The following ZPBP variants were observed in gnomAD, a reference collection of about 807,000 sequenced individuals.
The protein encoded by ZPBP is zona pellucida-binding protein 1.
Under a neutral mutation model 44.8 loss-of-function variants are expected in ZPBP, and 26 were observed. The observed-to-expected ratio is 0.58, with a 90% CI of 0.43 to 0.81. The LOEUF is 0.81. Ranked by LOEUF, ZPBP falls within the 30% of genes least tolerant of loss-of-function variation. The probability of loss-of-function intolerance (pLI) is 0.00; values close to 1 mark genes in which losing one functional copy is unlikely to be tolerated. For missense variants in ZPBP, 409 were observed against 434.0 expected, an observed-to-expected ratio of 0.94 and a Z score of 0.51; for synonymous variants, 174 against 153.2, an observed-to-expected ratio of 1.14 and a Z score of -1.00.
chr7:50,081,830 G>A lies in ZPBP; in HGVS notation c.278C>T (p.Ala93Val). 1.9e-6 allele frequency: 3 copies of A among 1,611,622 alleles called. No homozygotes were observed. Among genetic ancestry groups the A allele is most frequent in the Non-Finnish European group, 2.5e-6 (3 of 1,178,324 alleles). Residue 93 changes from alanine (A) to valine (V), a missense_variant, in exon 3 of 8, where the codon GCT becomes GTT. Ala to Val is a moderately conservative substitution (Grantham distance 64, BLOSUM62 0). Around this residue, in one of 2 missense-constraint regions of ZPBP, gnomAD observed 367 missense variants for 363.1 expected, o/e 1.01. Coordinates refer to ENST00000046087, the MANE Select transcript of ZPBP (RefSeq NM_007009.3). ...VLCVTQQLRN[A>V]ELIDPSFQWY... Reference sequence around the variant, plus strand: ...TTGGAATGATGGGTCTATCAGTTCAGCATTTCGCAGTTGTTGCGTTACACA... The same window carrying A: ...TTGGAATGATGGGTCTATCAGTTCAACATTTCGCAGTTGTTGCGTTACACA...
the ZPBP span, among the ~76,000 whole-genome samples, chr7:49,843,575 G>T: frequency 1.3e-5 from 2 of 152,178 alleles, no homozygotes; most frequent in African/African-American, 4.8e-5. Flanking sequence ...ATCATTCAAT[G>T]AATGATTTTA....
chr7:49,982,990 G>A (rs1185470256), intron 7 of ZPBP, among the ~76,000 whole-genome samples: 2 of 152,090 alleles, frequency 1.3e-5, no homozygotes, highest in Admixed American at 1.3e-4. Flanking sequence ...GATATCTACT[G>A]TAGACTATAC....
chr7:49,980,206 TTA>T (rs1796766234), intron 7 of ZPBP, among the ~76,000 whole-genome samples: 1 of 116,804 alleles, frequency 8.6e-6, no homozygotes, highest in Admixed American at 1.1e-4. Flanking sequence ...ATGTTATATG[TTA>T]TATAATATAA....
At chr7:50,027,974 T>C (rs1374557963) in intron 5 of ZPBP, among the ~76,000 whole-genome samples, 3 of 152,040 alleles carry the variant, frequency 2.0e-5, no homozygotes, top group Admixed American at 2.0e-4. Flanking sequence ...TGATTAATTC[T>C]ATCAGTTAAA....
At chr7:50,079,040 C>CTA (rs1266807317) in intron 3 of ZPBP, among the ~76,000 whole-genome samples, 1 of 151,432 alleles carries the variant, frequency 6.6e-6, no homozygotes, top group Non-Finnish European at 1.5e-5. Flanking sequence ...GGACACATCC[C>CTA]TATAGATTCT....
chr7:49,997,567 G>T (rs868766040), intron 6 of ZPBP, among the ~76,000 whole-genome samples: 5 of 152,310 alleles, frequency 3.3e-5, no homozygotes, highest in Non-Finnish European at 4.4e-5. Flanking sequence ...AGTAAAGGGA[G>T]GTATTAGTGT....
At chr7:49,984,669 G>A (rs753229488) in intron 6 of ZPBP, among the ~76,000 whole-genome samples, 3 of 152,238 alleles carry the variant, frequency 2.0e-5, no homozygotes, top group Middle Eastern at 3.4e-3. Flanking sequence ...AGTAACGTTC[G>A]CTTGCTGCTA....
chr7:50,052,045 T>C (rs370144190), intron 4 of ZPBP, among the ~76,000 whole-genome samples: 1 of 151,872 alleles, frequency 6.6e-6, no homozygotes, highest in East Asian at 1.9e-4. Context: ...ACAAGGCAAA[T>C]AATTTTTCAT....
intron 3 of ZPBP, among the ~76,000 whole-genome samples, chr7:50,068,715 C>T (rs946650565): frequency 2.0e-5 from 3 of 152,150 alleles, no homozygotes; most frequent in Admixed American, 6.5e-5. Flanking sequence ...AGCTGAGTAG[C>T]ATTCACACCT....
chr7:50,014,465 C>CTTTT (rs11378550), intron 6 of ZPBP, among the ~76,000 whole-genome samples: 1 of 132,384 alleles, frequency 7.6e-6, no homozygotes. Flanking sequence ...CTTTCTTTTT[C>CTTTT]TTTTTTTTTT....
chr7:50,091,737 G>C (rs1327905063), intron 1 of ZPBP, among the ~76,000 whole-genome samples: 1 of 152,154 alleles, frequency 6.6e-6, no homozygotes, highest in East Asian at 1.9e-4. Flanking sequence ...TATTCTGATA[G>C]TCTTCATTGT....
At chr7:49,945,055 T>C (rs1264536651) in intron 7 of ZPBP, among the ~76,000 whole-genome samples, 1 of 152,168 alleles carries the variant, frequency 6.6e-6, no homozygotes, top group Non-Finnish European at 1.5e-5. Flanking sequence ...TCCATTTTCA[T>C]TTGTTTCAAG....
chr7:49,904,086 A>G (rs1562764826), intron 1 of ZPBP, among the ~76,000 whole-genome samples: 1 of 152,160 alleles, frequency 6.6e-6, no homozygotes, highest in Non-Finnish European at 1.5e-5. Context: ...CATGGCTGGC[A>G]GAGAAGGGAA....
At chr7:50,041,959 C>T (rs998376479) in intron 4 of ZPBP, among the ~76,000 whole-genome samples, 4 of 152,024 alleles carry the variant, frequency 2.6e-5, no homozygotes, top group Non-Finnish European at 4.4e-5. Flanking sequence ...ACTAGAATAA[C>T]CAGTTTAGAA....
chr7:49,895,270 CT>C (rs1250332019), intron 2 of ZPBP, among the ~76,000 whole-genome samples: 1 of 152,188 alleles, frequency 6.6e-6, no homozygotes, highest in Non-Finnish European at 1.5e-5. Context: ...CCAAATCCCA[CT>C]CATGAGGGCT....
At chr7:49,953,342 G>A (rs1795434126) in intron 7 of ZPBP, among the ~76,000 whole-genome samples, 1 of 152,090 alleles carries the variant, frequency 6.6e-6, no homozygotes, top group African/African-American at 2.4e-5. Context: ...TGTTAGTCTG[G>A]GAAGAGGAAC....
intron 7 of ZPBP, among the ~76,000 whole-genome samples, chr7:49,951,922 A>G (rs1795361338): frequency 1.3e-5 from 2 of 151,878 alleles, no homozygotes; most frequent in Non-Finnish European, 1.5e-5. Flanking sequence ...ATGCTACATC[A>G]TAGATGAATC....
At chr7:49,981,289 A>G (rs1415540687) in intron 7 of ZPBP, among the ~76,000 whole-genome samples, 1 of 74,850 alleles carries the variant, frequency 1.3e-5, no homozygotes, top group Non-Finnish European at 2.5e-5. Context: ...TATATTATAT[A>G]ATATATATTA....
chr7:49,966,875 TCCCATGGCA>T (rs1405116159), intron 7 of ZPBP, among the ~76,000 whole-genome samples: 1 of 152,010 alleles, frequency 6.6e-6, no homozygotes, highest in Non-Finnish European at 1.5e-5. Context: ...TGGTGTAAAT[TCCCATGGCA>T]TACACAGGAG....
Sources: gnomAD v4.1 joint callset for allele counts (sites outside exome capture counted in the v4.1 genomes callset) on GRCh38, gnomAD v4.1.1 for gene constraint, gnomAD v4.1.1 regional missense constraint, MANE v1.5 for transcripts, NCBI Gene and HGNC (gene_info 2026-07-23, HGNC 2026-07-21) for gene names.